Variants in PCYT1B observed in about 807,000 individuals in gnomAD.
PCYT1B encodes the protein phosphate cytidylyltransferase 1B, choline, also known as choline-phosphate cytidylyltransferase B.
PCYT1B carries 10 observed loss-of-function variants against 26.4 expected under a neutral mutation model. The ratio of observed to expected loss-of-function variants is 0.38; its 90% CI spans 0.23 to 0.64. The LOEUF (loss-of-function observed/expected upper bound fraction) is 0.64. PCYT1B is among the 30% of genes least tolerant of loss of function. PCYT1B has a pLI of 0.56. For synonymous variants in PCYT1B, 131 were observed against 108.4 expected, an observed-to-expected ratio of 1.21 and a Z score of -1.29; for missense variants, 161 against 292.7, an observed-to-expected ratio of 0.55 and a Z score of 3.28.
intron 7 of PCYT1B, among the ~76,000 whole-genome samples, chrX:24,571,515 C>CATCATCATCATCATG (rs1436070835): frequency 1.8e-5 from 2 of 110,920 alleles, no homozygotes; most frequent in Non-Finnish European, 3.8e-5. Context: ...TCATCATCAT[C>CATCATCATCATCATG]ATCATCATCA....
At chrX:24,609,088 A>G (rs762480212) in intron 2 of PCYT1B, among the ~76,000 whole-genome samples, 9 of 112,182 alleles carry the variant, frequency 8.0e-5, no homozygotes, top group Non-Finnish European at 1.1e-4. Flanking sequence ...CTCCACGGCT[A>G]CAAACAACAT....
At chrX:24,576,277 A>G (rs1444179614) in intron 6 of PCYT1B, among the ~76,000 whole-genome samples, 1 of 111,846 alleles carries the variant, frequency 8.9e-6, no homozygotes, top group Non-Finnish European at 1.9e-5. Context: ...TTTCTTTACT[A>G]TGTGGGACTA....
intron 1 of PCYT1B, among the ~76,000 whole-genome samples, chrX:24,663,182 A>G (rs1223214312): frequency 8.9e-6 from 1 of 112,474 alleles, no homozygotes; most frequent in Non-Finnish European, 1.9e-5. Context: ...TACTTTAAGA[A>G]GGATAAAAAC....
chrX:24,660,541 G>A (rs984473098), intron 1 of PCYT1B, among the ~76,000 whole-genome samples: 9 of 110,711 alleles, frequency 8.1e-5, no homozygotes, highest in Non-Finnish European at 1.7e-4. Context: ...ACCTGGATGC[G>A]GTGGCATGCG....
At chrX:24,667,150 C>T (rs1013712350) in intron 1 of PCYT1B, among the ~76,000 whole-genome samples, 1 of 110,303 alleles carries the variant, frequency 9.1e-6, no homozygotes, top group Non-Finnish European at 1.9e-5. Flanking sequence ...TAAGATCAAG[C>T]GGAGAGCCAG....
rs1203809740 is a variant in PCYT1B at position 24,658,506 on chromosome X, CTT to C, written c.63+14062_63+14063del. ...GGCTCTAGGGGAAATTGTTTCATTG[CTT>C]TTTTTTTTTTTTTTTTTTTTTAGCT... On this transcript the variant is annotated intron_variant, in intron 1 of 7. Transcript: ENST00000379145. Among the ~76,000 whole-genome samples the C allele has an allele frequency of 9.2e-3, 541 of 58,842 alleles. 7 individuals carry two copies. The highest frequency in any genetic ancestry group is 0.064 in the Middle Eastern group (7 of 109). The allele number at this position is 58,842 out of a possible 115,157, so 51.1% of individuals were successfully genotyped here.
chrX:24,616,249 TTTTAA>T (rs1483375027), intron 2 of PCYT1B, among the ~76,000 whole-genome samples: 1 of 92,943 alleles, frequency 1.1e-5, no homozygotes, highest in Non-Finnish European at 2.2e-5. Context: ...TTTTTTTTTT[TTTTAA>T]AAAAACAGAG....
chrX:24,574,457 G>A (rs943195805), intron 7 of PCYT1B, among the ~76,000 whole-genome samples: 2 of 111,131 alleles, frequency 1.8e-5, no homozygotes, highest in African/African-American at 6.5e-5. Flanking sequence ...TTTAGGCAAG[G>A]AGACCCTCTA....
chrX:24,661,906 G>C (rs1257335898), intron 1 of PCYT1B, among the ~76,000 whole-genome samples: 1 of 112,074 alleles, frequency 8.9e-6, no homozygotes, highest in African/African-American at 3.2e-5. Context: ...ACTCACACCT[G>C]TAATATCAGC....
intron 6 of PCYT1B, among the ~76,000 whole-genome samples, chrX:24,578,685 A>C (rs1924101978): frequency 8.9e-6 from 1 of 111,853 alleles, no homozygotes; most frequent in South Asian, 3.8e-4. Flanking sequence ...AGAATAAAAA[A>C]GTTTCTCTGG....
At chrX:24,645,266 G>T (rs1027032333) in intron 1 of PCYT1B, among the ~76,000 whole-genome samples, 1 of 111,136 alleles carries the variant, frequency 9.0e-6, no homozygotes, top group African/African-American at 3.3e-5. Context: ...TGTCAGGAAG[G>T]TATGTGATGC....
chrX:24,591,006 T>C (rs1341201158), intron 3 of PCYT1B, among the ~76,000 whole-genome samples: 1 of 109,470 alleles, frequency 9.1e-6, no homozygotes, highest in Non-Finnish European at 1.9e-5. Flanking sequence ...TGTTAACCAG[T>C]ATGGTCTCGA....
intron 1 of PCYT1B, among the ~76,000 whole-genome samples, chrX:24,624,261 G>A (rs777678468): frequency 1.0e-3 from 117 of 111,689 alleles, no homozygotes; most frequent in South Asian, 9.7e-3. Context: ...GAGCCACCGC[G>A]CCCGGCCAAG....
intron 1 of PCYT1B, among the ~76,000 whole-genome samples, chrX:24,629,662 C>T (rs1030167849): frequency 1.9e-5 from 2 of 105,617 alleles, no homozygotes; most frequent in Admixed American, 2.1e-4. Flanking sequence ...TAAACCAGTG[C>T]CTGAATGCTC....
At chrX:24,597,791 A>C (rs1217448100) in intron 3 of PCYT1B, among the ~76,000 whole-genome samples, 1 of 112,432 alleles carries the variant, frequency 8.9e-6, no homozygotes, top group Non-Finnish European at 1.9e-5. Context: ...ATTTTTGCCC[A>C]ACAACTTTGC....
At chrX:24,573,866 G>A (rs1569237881) in intron 7 of PCYT1B, among the ~76,000 whole-genome samples, 1 of 110,918 alleles carries the variant, frequency 9.0e-6, no homozygotes, top group Non-Finnish European at 1.9e-5. Flanking sequence ...CTTTCTAGGA[G>A]TCTTTGAAGG....
chrX:24,622,771 A>G (rs1340315263), intron 1 of PCYT1B, among the ~76,000 whole-genome samples: 1 of 112,140 alleles, frequency 8.9e-6, no homozygotes, highest in Non-Finnish European at 1.9e-5. Flanking sequence ...CCTCAAACTC[A>G]GTTACCTTTT....
chrX:24,594,162 G>C (rs1424542253), intron 3 of PCYT1B, among the ~76,000 whole-genome samples: 1 of 111,181 alleles, frequency 9.0e-6, no homozygotes, highest in Non-Finnish European at 1.9e-5. Flanking sequence ...TGAAAACCCT[G>C]AAGCATATTA....
intron 3 of PCYT1B, among the ~76,000 whole-genome samples, chrX:24,602,213 T>C (rs1161652329): frequency 8.9e-6 from 1 of 111,907 alleles, no homozygotes; most frequent in African/African-American, 3.2e-5. Context: ...GAGCATTAAT[T>C]GAATATTATG....
Sources: allele counts gnomAD v4.1 joint callset (sites outside exome capture counted in the v4.1 genomes callset), GRCh38; gene constraint gnomAD v4.1.1; transcripts MANE v1.5; gene names NCBI Gene and HGNC (gene_info 2026-07-23, HGNC 2026-07-21).